ADD3: variants seen among roughly 807,000 people sequenced by gnomAD.
The protein encoded by ADD3 is adducin 3.
ADD3 carries 25 observed loss-of-function variants against 80.2 expected under a neutral mutation model. The observed-to-expected ratio is 0.31, with a 90% confidence interval of 0.23 to 0.44. The LOEUF (loss-of-function observed/expected upper bound fraction) is 0.44. Among genes scored for constraint, ADD3 ranks in the 20% least tolerant of loss-of-function variants. The pLI is 1.00. For missense variants in ADD3, 829 were observed against 847.5 expected, an observed-to-expected ratio of 0.98 and a Z score of 0.27; for synonymous variants, 284 against 289.6, an observed-to-expected ratio of 0.98 and a Z score of 0.20.
At chr10:110,114,579 T>C (rs1850456045) in intron 3 of ADD3, among the ~76,000 whole-genome samples, 1 of 152,026 alleles carries the variant, frequency 6.6e-6, no homozygotes, top group South Asian at 2.1e-4. Flanking sequence ...TCATGAAATG[T>C]GGTGACAAAT....
chr10:110,040,894 A>C (rs1564879349), intron 1 of ADD3, among the ~76,000 whole-genome samples: 1 of 151,042 alleles, frequency 6.6e-6, no homozygotes. Context: ...GAAAACTGGA[A>C]AAAAGAACTT....
intron 1 of ADD3, among the ~76,000 whole-genome samples, chr10:110,042,285 A>C (rs1455240892): frequency 1.3e-5 from 2 of 152,210 alleles, no homozygotes; most frequent in African/African-American, 4.8e-5. Context: ...TAGCTATTTT[A>C]AATATTCTGT....
In ADD3 at chr10:110,134,670, A is replaced by C. The variant is rs1032774571; in HGVS notation, c.*1052A>C. 2.0e-5 allele frequency: 3 copies of C among 152,674 alleles called. No homozygotes were observed. Among genetic ancestry groups the C allele is most frequent in the African/African-American group, 7.2e-5 (3 of 41,466 alleles). 9.5% of individuals were successfully genotyped at this position (152,674 alleles called of 1,614,324 possible). ...GATGGGATGTGAAAAGAAGAATTCTAGTTTGATGGTGACTCATATTCACGA... is the reference window on the plus strand; with the variant it reads ...GATGGGATGTGAAAAGAAGAATTCTCGTTTGATGGTGACTCATATTCACGA... On this transcript the variant is annotated 3_prime_UTR_variant, in exon 15 of 15. Coordinates refer to ENST00000356080, the MANE Select transcript of ADD3 (RefSeq NM_016824.5).
chr10:110,073,937 C>T (rs1021755968), intron 1 of ADD3, among the ~76,000 whole-genome samples: 28 of 151,638 alleles, frequency 1.8e-4, no homozygotes, highest in African/African-American at 6.0e-4. Flanking sequence ...TTTTCCTTAG[C>T]CAGTCTTGTA....
intron 1 of ADD3, among the ~76,000 whole-genome samples, chr10:110,068,864 C>T (rs968092706): frequency 2.6e-5 from 4 of 151,960 alleles, no homozygotes; most frequent in Admixed American, 6.6e-5. Context: ...ATCACTTGAG[C>T]GCAGGAGTTT....
intron 1 of ADD3, among the ~76,000 whole-genome samples, chr10:110,031,900 T>G: frequency 6.8e-6 from 1 of 147,066 alleles, no homozygotes; most frequent in South Asian, 2.1e-4. Flanking sequence ...ATGTATTACC[T>G]CAATACTTTT....
intron 1 of ADD3, among the ~76,000 whole-genome samples, chr10:110,099,209 A>G (rs1040647305): frequency 6.6e-6 from 1 of 151,414 alleles, no homozygotes; most frequent in Non-Finnish European, 1.5e-5. Flanking sequence ...GATTATAAGC[A>G]TGAGCCACCA....
At chr10:110,027,815 G>T (rs961349064) in intron 1 of ADD3, among the ~76,000 whole-genome samples, 1 of 152,172 alleles carries the variant, frequency 6.6e-6, no homozygotes, top group East Asian at 1.9e-4. Context: ...CATTCCTGGG[G>T]CATGTTTTAA....
Position 110,119,508 on chromosome 10 carries a change from A to G in ADD3, c.904A>G (p.Thr302Ala). The G allele has an allele frequency of 2.5e-6, 4 of 1,614,136 alleles. No individual in the cohort carries two copies. Among genetic ancestry groups the G allele is most frequent in the Non-Finnish European group, 3.4e-6 (4 of 1,179,992 alleles). ...TCATGGTGTGGTTGCACTTGGAGAAACATTAGAGGAGGCTTTTCATTATAT... is the reference window on the plus strand; with the variant it reads ...TCATGGTGTGGTTGCACTTGGAGAAGCATTAGAGGAGGCTTTTCATTATAT... The part of the protein sequence containing the change: ...RNHGVVALGE[T>A]LEEAFHYIFN... Residue 302 changes from threonine to alanine, a missense_variant, in exon 8 of 15, where the codon ACA becomes GCA. Thr to Ala is a moderately conservative substitution (Grantham distance 58). Transcript: ENST00000356080.
In ADD3 at chr10:109,998,884, T is replaced by C. The variant is rs146798950; in HGVS notation, n.79+2438T>C. 2.0e-5 allele frequency among the ~76,000 whole-genome samples: 3 copies of C among 152,222 alleles called. No individual in the cohort carries two copies. In the East Asian group the frequency reaches 5.8e-4, roughly 29 times the overall value. On this transcript the variant is annotated intron_variant and non_coding_transcript_variant, in intron 1 of 5. Transcript: ENST00000468251. Reference sequence around the variant, plus strand: ...GTCAATGGCCTATTTTACTTTCTTCTTAGCCTTTAGCATCTGAAATTACCT... The same window carrying C: ...GTCAATGGCCTATTTTACTTTCTTCCTAGCCTTTAGCATCTGAAATTACCT...
chr10:110,128,180 G>A lies in ADD3; in HGVS notation c.1608+1677G>A, dbSNP rs1006125609. On this transcript the variant is annotated intron_variant, in intron 12 of 14. Transcript: ENST00000356080. ...TTAGTAACCCTTTTCAATCTCCAGA[G>A]TCATATCCTTCAGTTCTGGAAGTTT... Among the ~76,000 whole-genome samples, 5 of 150,478 alleles carry A rather than the reference G, an allele frequency of 3.3e-5. No homozygotes were observed. The Admixed American group carries it at 3.3e-4, about 10-fold the overall frequency.
chr10:110,132,866 G>A (rs1853219626), intron 14 of ADD3: 4 of 152,076 alleles, frequency 2.6e-5, no homozygotes, highest in Non-Finnish European at 5.7e-5. Context: ...GGTGGAGCTG[G>A]CAGTGAGCCA....
intron 6 of ADD3, 64 bp from the exon 7 acceptor site, chr10:110,119,147 A>C (rs920218365): frequency 1.9e-6 from 3 of 1,563,710 alleles, no homozygotes; most frequent in African/African-American, 2.7e-5. Context: ...CCAAACAATC[A>C]GGTTCCTATG....
intron 1 of ADD3, among the ~76,000 whole-genome samples, chr10:110,068,333 C>T (rs1006769745): frequency 5.9e-5 from 9 of 152,120 alleles, no homozygotes; most frequent in Non-Finnish European, 8.8e-5. Context: ...TACAGTTGGC[C>T]CTCCACTTCT....
intron 1 of ADD3, among the ~76,000 whole-genome samples, chr10:110,043,602 A>G (rs1015440333): frequency 5.3e-5 from 8 of 152,176 alleles, no homozygotes; most frequent in African/African-American, 1.9e-4. Flanking sequence ...AGTTCTCCTA[A>G]GAGTAGATTG....
intron 1 of ADD3, among the ~76,000 whole-genome samples, chr10:110,067,670 G>T (rs1844140414): frequency 6.6e-6 from 1 of 152,216 alleles, no homozygotes; most frequent in African/African-American, 2.4e-5. Flanking sequence ...ATTCGTGTCA[G>T]TGTACTTTAT....
At chr10:110,006,050 T>G (rs1273271639), upstream of ADD3, 6 of 222,964 alleles carry the variant, frequency 2.7e-5, no homozygotes, top group Middle Eastern at 1.2e-3. Flanking sequence ...GAGGCTGCAG[T>G]AGGTTTCTGT....
intron 9 of ADD3, 42 bp downstream of exon 9, chr10:110,122,334 C>T (rs371203996): frequency 8.9e-5 from 140 of 1,569,106 alleles, no homozygotes; most frequent in Non-Finnish European, 1.2e-4. Flanking sequence ...TTAATGTCTT[C>T]AGATTCAAGA....
At chr10:110,084,315 GA>G (rs1369662776) in intron 1 of ADD3, among the ~76,000 whole-genome samples, 6 of 152,162 alleles carry the variant, frequency 3.9e-5, no homozygotes, top group African/African-American at 1.4e-4. Flanking sequence ...CACATACCTA[GA>G]AACCCTTTAA....
Sources: allele counts gnomAD v4.1 joint callset (sites outside exome capture counted in the v4.1 genomes callset), GRCh38; gene constraint gnomAD v4.1.1; transcripts MANE v1.5; gene names NCBI Gene and HGNC (gene_info 2026-07-23, HGNC 2026-07-21).